PCDHGB1: variants seen among roughly 807,000 people sequenced by gnomAD.
The protein encoded by PCDHGB1 is protocadherin gamma-B1.
In PCDHGB1, 34 loss-of-function variants were observed where a neutral mutation model predicts 56.6. That is an observed-to-expected ratio of 0.60 (90% CI 0.46 to 0.80). PCDHGB1 has a LOEUF of 0.80. Among genes scored for constraint, PCDHGB1 ranks in the 30% least tolerant of loss-of-function variants. The pLI, the probability that PCDHGB1 is intolerant of heterozygous loss-of-function variation, is 0.00. For synonymous variants in PCDHGB1, 561 were observed against 505.9 expected, an observed-to-expected ratio of 1.11 and a Z score of -1.46; for missense variants, 1,278 against 1,204.6, an observed-to-expected ratio of 1.06 and a Z score of -0.90.
intron 1 of PCDHGB1, chr5:141,357,435 G>C (rs769082126): frequency 5.0e-6 from 8 of 1,614,086 alleles, no homozygotes; most frequent in East Asian, 4.5e-5. Context: ...GCGTGGACGG[G>C]GTTCGGGCTT....
At chr5:141,353,757 A>AT (rs1189530295) in intron 1 of PCDHGB1, among the ~76,000 whole-genome samples, 1 of 152,166 alleles carries the variant, frequency 6.6e-6, no homozygotes, top group Non-Finnish European at 1.5e-5. Flanking sequence ...ACATGTTGAG[A>AT]TTTTTTTAAT....
At chr5:141,492,560 G>T (rs2099742000) in intron 1 of PCDHGB1, among the ~76,000 whole-genome samples, 1 of 152,156 alleles carries the variant, frequency 6.6e-6, no homozygotes, top group Non-Finnish European at 1.5e-5. Context: ...CCTGGGGGGC[G>T]GCCTGAGCGA....
At chr5:141,386,521 A>AT (rs1458324675) in intron 1 of PCDHGB1, among the ~76,000 whole-genome samples, 1 of 232 alleles carries the variant, frequency 4.3e-3, no homozygotes, top group African/African-American at 0.013. Context: ...TCAAAAAAAG[A>AT]CTCTTTTTAG....
rs2097461148 is a variant in PCDHGB1 at position 141,432,174 on chromosome 5, T to C, written c.2410-62633T>C. ...AACAATCCCAGAGGAGTTTCCCTCGTCTCTGTGACCGCCCACGACCCCGAC... is the reference window on the plus strand; with the variant it reads ...AACAATCCCAGAGGAGTTTCCCTCGCCTCTGTGACCGCCCACGACCCCGAC... On this transcript the variant is annotated intron_variant, in intron 1 of 3. Transcript: ENST00000523390. The surrounding 1 kb of genome is among the most constrained non-coding windows in gnomAD (Gnocchi z 6.0). 1 of 1,614,088 alleles carries C rather than the reference T, an allele frequency of 6.2e-7. No homozygotes were observed. Among genetic ancestry groups the C allele is most frequent in the Non-Finnish European group, 8.5e-7 (1 of 1,180,022 alleles).
intron 1 of PCDHGB1, chr5:141,393,663 AT>A (rs1334579066): frequency 6.2e-7 from 1 of 1,613,820 alleles, no homozygotes; most frequent in East Asian, 2.2e-5. Flanking sequence ...ATTCCGGAAA[AT>A]TAATGAAAAA....
rs994881086 is a variant in PCDHGB1, at chr5:141,417,704, A to C, written c.2409+65035A>C. 1.0e-4 allele frequency: 125 copies of C among 1,207,342 alleles called. 3 individuals are homozygous for C. In the East Asian group the frequency reaches 2.7e-3, roughly 26 times the overall value. The allele number at this position is 1,207,342 out of a possible 1,614,324, so 74.8% of individuals were successfully genotyped here. Reference sequence around the variant, plus strand: ...CAGAAAAGAAAACCAGCTCCCACACAGAGGCTCCCGGCTGCGCAGACCTTG... The same window carrying C: ...CAGAAAAGAAAACCAGCTCCCACACCGAGGCTCCCGGCTGCGCAGACCTTG... On this transcript the variant is annotated intron_variant, in intron 1 of 3. Transcript: ENST00000523390.
chr5:141,495,939 G>A (rs1408330065), intron 2 of PCDHGB1, among the ~76,000 whole-genome samples: 1 of 151,994 alleles, frequency 6.6e-6, no homozygotes, highest in Non-Finnish European at 1.5e-5. Context: ...TCTGGTCTCT[G>A]TGCCTGTTGT....
intron 1 of PCDHGB1, chr5:141,383,938 G>A: frequency 6.2e-7 from 1 of 1,613,866 alleles, no homozygotes; most frequent in Non-Finnish European, 8.5e-7. Context: ...TGCTCCAGAA[G>A]TGACTATGAC....
intron 1 of PCDHGB1, chr5:141,422,103 A>C: frequency 6.2e-7 from 1 of 1,608,206 alleles, no homozygotes; most frequent in Admixed American, 1.7e-5. Context: ...CTTCTGAAAT[A>C]TTCCAATTGG....
intron 1 of PCDHGB1, chr5:141,388,159 G>A (rs1420782628): frequency 6.8e-7 from 1 of 1,473,814 alleles, no homozygotes; most frequent in African/African-American, 1.4e-5. Context: ...AGGCTAGACA[G>A]GGAGGAGATA....
intron 1 of PCDHGB1, 138 bp downstream of exon 1, chr5:141,352,807 T>C (rs1759114725): frequency 1.2e-6 from 1 of 866,934 alleles, no homozygotes; most frequent in Non-Finnish European, 1.7e-6. Context: ...ATAGCCAAGA[T>C]GGTAAAACCC....
Position 141,476,443 on chromosome 5 carries a change from G to A in PCDHGB1, c.2410-18364G>A, listed in dbSNP as rs752285213. 1 of 1,614,044 alleles carries A rather than the reference G, an allele frequency of 6.2e-7. No individual in the cohort carries two copies. The highest frequency in any genetic ancestry group is 8.5e-7 in the Non-Finnish European group (1 of 1,180,038). ...TGCCCTCTTGCACTGTAACTCTGGAGTTGGTAGTGGAGAACCCGCTGGAGC... is the reference window on the plus strand; with the variant it reads ...TGCCCTCTTGCACTGTAACTCTGGAATTGGTAGTGGAGAACCCGCTGGAGC... On this transcript the variant is annotated intron_variant, in intron 1 of 3. Transcript: ENST00000523390. This position sits in a 1 kb window ranked among gnomAD's most constrained non-coding sequence, Gnocchi z 7.6.
rs746903142 is a variant in PCDHGB1, at chr5:141,491,667, G to T, written c.2410-3140G>T. ...TGGCGCTGGAGCCTGACGCCATCCG[G>T]TCCCGCTCTAATACGCTGCGGGAGC... On this transcript the variant is annotated intron_variant, in intron 1 of 3. Coordinates refer to ENST00000523390, the MANE Select transcript of PCDHGB1 (RefSeq NM_018922.3). The surrounding 1 kb of genome is among the most constrained non-coding windows in gnomAD (Gnocchi z 6.9). 1.9e-6 allele frequency: 3 copies of T among 1,613,794 alleles called. No individual in the cohort carries two copies. Among genetic ancestry groups the T allele is most frequent in the Admixed American group, 1.7e-5 (1 of 60,032 alleles).
chr5:141,362,432 A>G (rs776686357), intron 1 of PCDHGB1: 16 of 1,613,806 alleles, frequency 9.9e-6, no homozygotes, highest in African/African-American at 2.7e-5. Flanking sequence ...ACAGAGTTCA[A>G]TTTTCTGAAC....
rs1040028231 is a variant in PCDHGB1, at chr5:141,485,542, C to T, written c.2410-9265C>T. 6.8e-6 allele frequency: 11 copies of T among 1,613,900 alleles called. No individual in the cohort carries two copies. Among genetic ancestry groups the T allele is most frequent in the Admixed American group, 6.7e-5 (4 of 59,996 alleles). On this transcript the variant is annotated intron_variant, in intron 1 of 3. Coordinates refer to ENST00000523390, the MANE Select transcript of PCDHGB1 (RefSeq NM_018922.3). The surrounding 1 kb of genome is among the most constrained non-coding windows in gnomAD (Gnocchi z 5.7). ...AAATGTACCGAGCAGAGGTAGAGAT[C>T]GTAGATGTGAATGATCACGCCCCCC...
chr5:141,447,225 C>T (rs966197293), intron 1 of PCDHGB1, among the ~76,000 whole-genome samples: 9 of 151,960 alleles, frequency 5.9e-5, no homozygotes, highest in African/African-American at 7.3e-5. Flanking sequence ...CTGCAACCTC[C>T]GCCTCCCGGG....
In PCDHGB1 at chr5:141,431,468, G is replaced by C. The variant is rs756718016; in HGVS notation, c.2410-63339G>C. 4 of 1,613,804 alleles carry C rather than the reference G, an allele frequency of 2.5e-6. No homozygotes were observed. Among genetic ancestry groups the C allele is most frequent in the Non-Finnish European group, 3.4e-6 (4 of 1,179,964 alleles). On this transcript the variant is annotated intron_variant, in intron 1 of 3. Coordinates refer to ENST00000523390, the MANE Select transcript of PCDHGB1 (RefSeq NM_018922.3). The surrounding 1 kb of genome is among the most constrained non-coding windows in gnomAD (Gnocchi z 4.8). Reference sequence around the variant, plus strand: ...CCGCGTGATGGTTCTGGATGCGAACGACAACGCACCAGCGTTTGCTCAGCC... The same window carrying C: ...CCGCGTGATGGTTCTGGATGCGAACCACAACGCACCAGCGTTTGCTCAGCC...
At chr5:141,483,648 T>TTGTGTGTGTGTGTG (rs111458813) in intron 1 of PCDHGB1, among the ~76,000 whole-genome samples, 2 of 149,592 alleles carry the variant, frequency 1.3e-5, no homozygotes, top group Non-Finnish European at 3.0e-5. Context: ...GGGTGTGTGT[T>TTGTGTGTGTGTGTG]TGTGTGTGTG....
Position 141,486,650 on chromosome 5 carries a change from T to C in PCDHGB1, c.2410-8157T>C, listed in dbSNP as rs1321605826. On this transcript the variant is annotated intron_variant, in intron 1 of 3. Coordinates refer to ENST00000523390, the MANE Select transcript of PCDHGB1 (RefSeq NM_018922.3). The surrounding 1 kb of genome is among the most constrained non-coding windows in gnomAD (Gnocchi z 5.0). ...TGGCTTGAATGCGCTTATCTCCTAC[T>C]CACTCCTGGAGCCCAGGAATCGAGA... is the stretch of plus-strand genomic sequence containing the variant. The C allele has an allele frequency of 6.2e-7, 1 of 1,613,834 alleles. No individual in the cohort carries two copies. Among genetic ancestry groups the C allele is most frequent in the African/African-American group, 1.3e-5 (1 of 74,938 alleles).
Sources: allele counts gnomAD v4.1 joint callset (sites outside exome capture counted in the v4.1 genomes callset), GRCh38; gene constraint gnomAD v4.1.1; non-coding constraint Gnocchi (gnomAD v3.1); transcripts MANE v1.5; gene names NCBI Gene and HGNC (gene_info 2026-07-23, HGNC 2026-07-21).